The following ACVR1C variants were observed in gnomAD, a reference collection of about 807,000 sequenced individuals.
ACVR1C encodes the protein activin A receptor type 1C.
A neutral mutation model predicts 57.9 loss-of-function variants in ACVR1C; 23 were observed. The observed-to-expected ratio is 0.40, with a 90% CI of 0.29 to 0.56. ACVR1C has a LOEUF of 0.56. Among genes scored for constraint, ACVR1C ranks in the 20% least tolerant of loss-of-function variants. ACVR1C has a pLI of 0.50. For synonymous variants in ACVR1C, 214 were observed against 215.3 expected, an observed-to-expected ratio of 0.99 and a Z score of 0.05; for missense variants, 480 against 607.9, an observed-to-expected ratio of 0.79 and a Z score of 2.21.
At chr2:157,558,940 T>C (rs966727656) in intron 2 of ACVR1C, among the ~76,000 whole-genome samples, 1 of 152,258 alleles carries the variant, frequency 6.6e-6, no homozygotes, top group African/African-American at 2.4e-5. Context: ...TACATAAACA[T>C]CTATTTAAAA....
chr2:157,610,937 T>C (rs925092820), intron 1 of ACVR1C, among the ~76,000 whole-genome samples: 1 of 152,156 alleles, frequency 6.6e-6, no homozygotes, highest in Non-Finnish European at 1.5e-5. Context: ...GTTTTACTGA[T>C]TTCTTTGTAC....
intron 2 of ACVR1C, among the ~76,000 whole-genome samples, chr2:157,563,693 A>G (rs998327781): frequency 8.5e-5 from 13 of 152,268 alleles, no homozygotes; most frequent in African/African-American, 3.1e-4. Flanking sequence ...AGCTGGAGAC[A>G]TCATGCTACC....
chr2:157,544,559 A>G lies in ACVR1C; in HGVS notation c.829T>C (p.Ser277Pro). 6.2e-7 allele frequency: 1 copy of G among 1,613,872 alleles called. No homozygotes were observed. The highest frequency in any genetic ancestry group is 8.5e-7 in the Non-Finnish European group (1 of 1,179,840). ...WLVSEYHEQG[S>P]LYDYLNRNIV... ...TTTCTATTCAAATAGTCATATAAGG[A>G]GCCCTGTTCATGATATTCAGATACC... Residue 277 changes from serine (S) to proline (P), a missense_variant, in exon 5 of 9, where the codon TCC becomes CCC. By Grantham distance (74) the Ser-to-Pro change is moderately conservative. Transcript: ENST00000243349.
chr2:157,562,148 TAG>T (rs1688245200), intron 2 of ACVR1C, among the ~76,000 whole-genome samples: 1 of 151,628 alleles, frequency 6.6e-6, no homozygotes, highest in Non-Finnish European at 1.5e-5. Flanking sequence ...TACAAAAAAT[TAG>T]CCGGGCATGG....
chr2:157,613,514 T>C (rs532943118), intron 1 of ACVR1C, among the ~76,000 whole-genome samples: 1 of 152,332 alleles, frequency 6.6e-6, no homozygotes, highest in South Asian at 2.1e-4. Context: ...CCCACAGATA[T>C]GGAGGGCCAA....
rs1298609472 is a variant in ACVR1C, at chr2:157,538,663, C to T, written c.1266G>A (p.Val422=). 1.9e-6 allele frequency: 3 copies of T among 1,568,576 alleles called. No homozygotes were observed. ...EEYQLPYYDM[V]PSDPSIEEMR... The stretch of plus-strand genomic sequence containing the variant: ...TTTCCTCTATCGAGGGATCTGAAGG[C>T]ACCATGTCATAATAAGGCAATTGGT... The change falls in exon 8 of 9, where the codon GTG becomes GTA. Residue 422 remains valine, a synonymous_variant. Transcript: ENST00000243349.
intron 1 of ACVR1C, among the ~76,000 whole-genome samples, chr2:157,600,218 A>G (rs922502696): frequency 2.0e-4 from 31 of 152,350 alleles, no homozygotes; most frequent in Admixed American, 5.2e-4. Context: ...CTGTTAAGTC[A>G]CTGAAATCTA....
intron 1 of ACVR1C, among the ~76,000 whole-genome samples, chr2:157,592,661 A>G (rs1165714683): frequency 6.6e-6 from 1 of 152,098 alleles, no homozygotes; most frequent in African/African-American, 2.4e-5. Flanking sequence ...AGTCCACTAT[A>G]TCACTGCATT....
chr2:157,542,779 C>G lies in ACVR1C; in HGVS notation c.1027G>C (p.Gly343Arg), dbSNP rs757713755. 6.2e-7 allele frequency: 1 copy of G among 1,614,090 alleles called. No homozygotes were observed. Among genetic ancestry groups the G allele is most frequent in the East Asian group, 2.2e-5 (1 of 44,870 alleles). ...ATTGAATCATGCTTCACAGCCAACC[C>G]TAAGTCCGCTATGGCACAAGTTTCA... ...KCETCAIADL[G>R]LAVKHDSILN... Residue 343 changes from glycine to arginine, a missense_variant, in exon 6 of 9, where the codon GGG becomes CGG. Physicochemically the swap from Gly to Arg is moderately radical, Grantham distance 125. Transcript: ENST00000243349.
At position 157,587,397 on chromosome 2, in the gene ACVR1C, A is replaced by G. The variant is rs760240418; in HGVS notation, c.94T>C (p.Leu32=). The change falls in exon 2 of 9, where the codon TTG becomes CTG. Residue 32 remains leucine (L), a synonymous_variant. Coordinates refer to ENST00000243349, the MANE Select transcript of ACVR1C (RefSeq NM_145259.3). Reference sequence around the variant, plus strand: ...CAGGTGAAGTTTGAAGAATCACACAAAAGACATACACACTTCAGTCCTGGA... The same window carrying G: ...CAGGTGAAGTTTGAAGAATCACACAGAAGACATACACACTTCAGTCCTGGA... The part of the protein sequence containing the change: ...LSPGLKCVCL[L]CDSSNFTCQT... The G allele has an allele frequency of 1.2e-6, 2 of 1,613,140 alleles. No homozygotes were observed. Among genetic ancestry groups the G allele is most frequent in the South Asian group, 1.1e-5 (1 of 91,066 alleles).
intron 2 of ACVR1C, among the ~76,000 whole-genome samples, chr2:157,585,294 A>AT (rs991714188): frequency 2.6e-5 from 4 of 152,148 alleles, no homozygotes; most frequent in African/African-American, 4.8e-5. Flanking sequence ...TAAAGAAACT[A>AT]TTTTTTTGTA....
chr2:157,559,847 T>C (rs1461434440), intron 2 of ACVR1C, among the ~76,000 whole-genome samples: 2 of 148,022 alleles, frequency 1.4e-5, no homozygotes, highest in African/African-American at 2.5e-5. Context: ...GAAGGAATTA[T>C]TAACAAGACA....
At chr2:157,545,798 A>AT in intron 4 of ACVR1C, among the ~76,000 whole-genome samples, 1 of 152,072 alleles carries the variant, frequency 6.6e-6, no homozygotes, top group African/African-American at 2.4e-5. Context: ...TTTTTGAGAC[A>AT]GCATGTCGCT....
intron 7 of ACVR1C, 57 bp downstream of exon 7, chr2:157,541,033 T>G (rs751400409): frequency 3.9e-4 from 603 of 1,562,994 alleles, no homozygotes; most frequent in Non-Finnish European, 5.0e-4. Context: ...GAATATCACA[T>G]CTTGTATTCA....
In ACVR1C at chr2:157,587,250, C is replaced by T. The variant is rs1382469365; in HGVS notation, c.241G>A (p.Val81Ile). 2 of 1,613,582 alleles carry T rather than the reference C, an allele frequency of 1.2e-6. No individual in the cohort carries two copies. The highest frequency in any genetic ancestry group is 1.7e-6 in the Non-Finnish European group (2 of 1,179,692). Residue 81 changes from valine (V) to isoleucine (I), a missense_variant, in exon 2 of 9, where the codon GTT becomes ATT. By Grantham distance (29) the Val-to-Ile change is conservative. Coordinates refer to ENST00000243349, the MANE Select transcript of ACVR1C (RefSeq NM_145259.3). Reference protein sequence around the residue: ...AQVFCHSSNNVTKTECCFTDF... With the variant: ...AQVFCHSSNNITKTECCFTDF... ...GTGAAGCAGCATTCGGTTTTGGTAA[C>T]ATTGTTGGAACTATGACAGAAGACT... is the stretch of plus-strand genomic sequence containing the variant.
At chr2:157,577,517 A>T (rs2105247047) in intron 2 of ACVR1C, among the ~76,000 whole-genome samples, 1 of 152,352 alleles carries the variant, frequency 6.6e-6, no homozygotes, top group South Asian at 2.1e-4. Flanking sequence ...TGATATTTTT[A>T]AACTCTGGTA....
intron 1 of ACVR1C, among the ~76,000 whole-genome samples, chr2:157,622,657 A>G (rs1339038370): frequency 1.3e-5 from 2 of 152,210 alleles, no homozygotes. Flanking sequence ...AAACTACTAC[A>G]AGAAAACATT....
At position 157,530,456 on chromosome 2, in the gene ACVR1C, C is replaced by A. The variant is rs1687327562; in HGVS notation, c.*3462G>T. ...CTGAGTTTTCTCTGCCCCAATAAGT[C>A]ACATGGTGGCAAAATTCCAGGAAAA... is the stretch of plus-strand genomic sequence containing the variant. On this transcript the variant is annotated 3_prime_UTR_variant, in exon 9 of 9. Transcript: ENST00000243349. 1 of 152,034 alleles carries A rather than the reference C, an allele frequency of 6.6e-6. No homozygotes were observed. Among genetic ancestry groups the A allele is most frequent in the South Asian group, 2.1e-4 (1 of 4,826 alleles). 9.4% of individuals were successfully genotyped at this position (152,034 alleles called of 1,614,324 possible). A position where few individuals can be genotyped will look rare whatever the true frequency, so the allele number is the denominator to read the frequency against.
At chr2:157,584,792 C>G (rs1688876479) in intron 2 of ACVR1C, among the ~76,000 whole-genome samples, 1 of 152,170 alleles carries the variant, frequency 6.6e-6, no homozygotes, top group African/African-American at 2.4e-5. Context: ...ATGCTCATAA[C>G]AGCTTTGCGA....
Sources: gnomAD v4.1 joint callset for allele counts (sites outside exome capture counted in the v4.1 genomes callset) on GRCh38, gnomAD v4.1.1 for gene constraint, MANE v1.5 for transcripts, NCBI Gene and HGNC (gene_info 2026-07-23, HGNC 2026-07-21) for gene names.